FBLN7: variants seen among roughly 807,000 people sequenced by gnomAD.
The protein encoded by FBLN7 is fibulin-7.
A neutral mutation model predicts 44.0 loss-of-function variants in FBLN7; 31 were observed. The ratio of observed to expected loss-of-function variants is 0.70; its 90% CI spans 0.53 to 0.95. FBLN7 has a LOEUF of 0.95. FBLN7 is among the 40% of genes least tolerant of loss of function. The probability of loss-of-function intolerance (pLI) is 0.00; values close to 1 mark genes in which losing one functional copy is unlikely to be tolerated. For missense variants in FBLN7, 573 were observed against 618.5 expected (o/e 0.93, Z 0.78); for synonymous variants, 262 against 253.4 (o/e 1.03, Z -0.32).
At chr2:112,154,516 G>A (rs1451588976) in intron 1 of FBLN7, among the ~76,000 whole-genome samples, 1 of 152,190 alleles carries the variant, frequency 6.6e-6, no homozygotes, top group African/African-American at 2.4e-5. Context: ...CCACCTTGGA[G>A]AGTGGGAGGT....
intron 3 of FBLN7, among the ~76,000 whole-genome samples, chr2:112,165,800 G>C (rs966115658): frequency 6.6e-6 from 1 of 152,132 alleles, no homozygotes; most frequent in South Asian, 2.1e-4. Context: ...GCTTCTCTCT[G>C]TGCTAGGTTT....
chr2:112,138,522 C>A lies in FBLN7; in HGVS notation c.-134C>A. 3 of 1,268,198 alleles carry A rather than the reference C, an allele frequency of 2.4e-6. No individual in the cohort carries two copies. The highest frequency in any genetic ancestry group is 3.2e-6 in the Non-Finnish European group (3 of 941,974). The allele number at this position is 1,268,198 out of a possible 1,614,324, so 78.6% of individuals were successfully genotyped here. On this transcript the variant is annotated 5_prime_UTR_variant, in exon 1 of 8. Transcript: ENST00000331203. ...GCTGCGCTCGGGGCCTCCCGCCTCC[C>A]CCCCTGCCCCAGCCGCCCCCCGGCC...
rs528819277 is a variant in FBLN7, at chr2:112,145,546, A to C, written c.75+6816A>C. On this transcript the variant is annotated intron_variant, in intron 1 of 7. Transcript: ENST00000331203. ...TTAACAATGACTTTTGCAGATCAAA[A>C]TTTTAAATTTTAATGAACTTTAGTT... Among the ~76,000 whole-genome samples, 3 of 152,356 alleles carry C rather than the reference A, an allele frequency of 2.0e-5. No individual in the cohort carries two copies. The South Asian group carries it at 6.2e-4, about 32-fold the overall frequency.
At chr2:112,149,952 C>T (rs1681073827) in intron 1 of FBLN7, among the ~76,000 whole-genome samples, 1 of 152,230 alleles carries the variant, frequency 6.6e-6, no homozygotes, top group Admixed American at 6.5e-5. Flanking sequence ...ACCCAAGGAA[C>T]TCAGCGTGGG....
the FBLN7 span, among the ~76,000 whole-genome samples, chr2:112,210,543 C>T: frequency 6.7e-6 from 1 of 150,184 alleles, no homozygotes; most frequent in Non-Finnish European, 1.5e-5. Flanking sequence ...ATAATCCCAG[C>T]TACTCAGGAG....
At chr2:112,183,825 G>A (rs528620399) in intron 6 of FBLN7, among the ~76,000 whole-genome samples, 19 of 152,192 alleles carry the variant, frequency 1.2e-4, no homozygotes, top group African/African-American at 4.6e-4. Flanking sequence ...AGCAGGGATG[G>A]GAGGCACCTA....
At chr2:112,232,631 T>C in the FBLN7 span, among the ~76,000 whole-genome samples, 1 of 152,192 alleles carries the variant, frequency 6.6e-6, no homozygotes, top group Non-Finnish European at 1.5e-5. Context: ...TCTGGATCCT[T>C]TGTACATTAG....
At chr2:112,160,003 T>G (rs1220154636) in intron 2 of FBLN7, among the ~76,000 whole-genome samples, 168 bp downstream of exon 2, 1 of 151,918 alleles carries the variant, frequency 6.6e-6, no homozygotes, top group African/African-American at 2.4e-5. Flanking sequence ...ATTTATTTAT[T>G]TTTTTGAGAC....
chr2:112,241,648 G>A, the FBLN7 span, among the ~76,000 whole-genome samples: 1 of 152,216 alleles, frequency 6.6e-6, no homozygotes, highest in Non-Finnish European at 1.5e-5. Flanking sequence ...AGCAGTGCCT[G>A]TGACTGTCAC....
At chr2:112,183,768 C>A (rs1171010833) in intron 6 of FBLN7, among the ~76,000 whole-genome samples, 1 of 152,026 alleles carries the variant, frequency 6.6e-6, no homozygotes, top group East Asian at 1.9e-4. Flanking sequence ...GAGGCTGATT[C>A]CTGGCAGAGT....
At chr2:112,220,799 C>A in the FBLN7 span, among the ~76,000 whole-genome samples, 267 of 152,228 alleles carry the variant, frequency 1.8e-3, 1 homozygote, top group African/African-American at 6.3e-3. Flanking sequence ...TCAGCCTGAG[C>A]AAAAAGAGCG....
chr2:112,240,962 TGTGTGTGTGTGTGTGTGTGTGTGCGC>T, the FBLN7 span, among the ~76,000 whole-genome samples: 673 of 145,110 alleles, frequency 4.6e-3, 8 homozygotes, highest in African/African-American at 0.016. Flanking sequence ...AGTGTGTGTG[TGTGTGTGTGTGTGTGTGTGTGTGCGC>T]GTGTGTATGT....
At chr2:112,160,775 C>T (rs1681791569) in intron 2 of FBLN7, among the ~76,000 whole-genome samples, 1 of 135,242 alleles carries the variant, frequency 7.4e-6, no homozygotes, top group Non-Finnish European at 1.7e-5. Context: ...CACACGCAGA[C>T]GCACACGCAC....
At chr2:112,196,424 C>T in the FBLN7 span, among the ~76,000 whole-genome samples, 6 of 137,046 alleles carry the variant, frequency 4.4e-5, no homozygotes, top group Admixed American at 8.1e-5. Context: ...CTCTGTCACC[C>T]AGGCTGGAGT....
chr2:112,164,149 G>A (rs1486115252), intron 2 of FBLN7, among the ~76,000 whole-genome samples: 3 of 152,170 alleles, frequency 2.0e-5, no homozygotes, highest in Admixed American at 6.5e-5. Context: ...GTTGGGTTTT[G>A]TCTATTTTGT....
intron 4 of FBLN7, among the ~76,000 whole-genome samples, chr2:112,178,755 T>A (rs1235261226): frequency 3.3e-5 from 5 of 152,188 alleles, no homozygotes; most frequent in Non-Finnish European, 7.3e-5. Context: ...CAAAACTACA[T>A]GATTATCTCA....
the FBLN7 span, chr2:112,233,282 A>C: frequency 6.3e-7 from 1 of 1,588,870 alleles, no homozygotes; most frequent in Non-Finnish European, 8.6e-7. Flanking sequence ...GACAGTTTTC[A>C]CCTCTGGTAC....
At chr2:112,196,498 C>T in the FBLN7 span, among the ~76,000 whole-genome samples, 1 of 149,934 alleles carries the variant, frequency 6.7e-6, no homozygotes, top group African/African-American at 2.4e-5. Context: ...CTCCACCTCT[C>T]AGGCTCGCAC....
chr2:112,180,890 T>C (rs1573827171), intron 4 of FBLN7, among the ~76,000 whole-genome samples: 1 of 114,366 alleles, frequency 8.7e-6, no homozygotes, highest in East Asian at 2.8e-4. Flanking sequence ...GCCACTGCAC[T>C]CCAGCCTGGG....
Sources: allele counts gnomAD v4.1 joint callset (sites outside exome capture counted in the v4.1 genomes callset), GRCh38; gene constraint gnomAD v4.1.1; transcripts MANE v1.5; gene names NCBI Gene and HGNC (gene_info 2026-07-23, HGNC 2026-07-21).